Variants in GARNL3 observed in about 807,000 individuals in gnomAD.
GARNL3 encodes GTPase-activating Rap/Ran-GAP domain-like protein 3.
Under a neutral mutation model 125.0 loss-of-function variants are expected in GARNL3, and 63 were observed. The observed-to-expected ratio is 0.50, with a 90% CI of 0.41 to 0.62. GARNL3 has a LOEUF of 0.62. Ranked by LOEUF, GARNL3 falls within the 20% of genes least tolerant of loss-of-function variation. The pLI is 0.00. For synonymous variants in GARNL3, 439 were observed against 457.5 expected (o/e 0.96, Z 0.52); for missense variants, 994 against 1,244.0 (o/e 0.80, Z 3.02).
intron 6 of GARNL3, 86 bp from the exon 7 acceptor site, chr9:127,324,983 C>A: frequency 1.5e-6 from 2 of 1,348,524 alleles, no homozygotes; most frequent in Non-Finnish European, 2.1e-6. Flanking sequence ...TCAGTGTGAG[C>A]AAACCAAAGC....
chr9:127,237,220 G>A (rs911949439), intron 1 of GARNL3, among the ~76,000 whole-genome samples: 14 of 152,178 alleles, frequency 9.2e-5, no homozygotes, highest in African/African-American at 3.4e-4. Context: ...CTGGCACCTT[G>A]ACTAACTACA....
intron 1 of GARNL3, among the ~76,000 whole-genome samples, chr9:127,231,226 T>C (rs2063010004): frequency 1.4e-5 from 1 of 72,172 alleles, no homozygotes; most frequent in South Asian, 5.3e-4. Context: ...AGCTAATTTT[T>C]TGTTTTTTTT....
intron 17 of GARNL3, among the ~76,000 whole-genome samples, chr9:127,352,085 C>T (rs4837142): frequency 0.77 from 116,939 of 152,176 alleles, 45,175 homozygotes; most frequent in East Asian, 0.93. Flanking sequence ...TATTAATTCC[C>T]TGGAGTGCTG....
At chr9:127,251,325 T>C (rs770362025) in intron 2 of GARNL3, among the ~76,000 whole-genome samples, 2 of 150,904 alleles carry the variant, frequency 1.3e-5, no homozygotes, top group African/African-American at 2.5e-5. Context: ...GCTTATCTAT[T>C]ATTTTGCTTT....
chr9:127,376,616 G>A (rs540994421), intron 22 of GARNL3, among the ~76,000 whole-genome samples: 1 of 151,622 alleles, frequency 6.6e-6, no homozygotes, highest in Non-Finnish European at 1.5e-5. Context: ...TTTATGGGAC[G>A]TTTTAAAGGA....
intron 2 of GARNL3, chr9:127,300,472 CT>C: frequency 1.4e-4 from 58 of 408,234 alleles, no homozygotes; most frequent in Middle Eastern, 8.2e-4. Context: ...GGTGAATTTT[CT>C]TTTTTTTGTT....
intron 22 of GARNL3, among the ~76,000 whole-genome samples, chr9:127,373,257 G>A (rs934410372): frequency 2.6e-5 from 4 of 152,204 alleles, no homozygotes; most frequent in African/African-American, 9.7e-5. Flanking sequence ...CTCAAGTATT[G>A]CTATTGCTGT....
chr9:127,260,570 C>T (rs1235080230), upstream of GARNL3, among the ~76,000 whole-genome samples: 3 of 152,140 alleles, frequency 2.0e-5, no homozygotes, highest in South Asian at 4.1e-4. Context: ...TTTAAAGGGT[C>T]AGTTCGTAAA....
chr9:127,307,056 C>T (rs1588817942), intron 2 of GARNL3, among the ~76,000 whole-genome samples: 1 of 151,474 alleles, frequency 6.6e-6, no homozygotes, highest in African/African-American at 2.4e-5. Context: ...TTTTTGTCGG[C>T]ATGGTTACCA....
At chr9:127,270,149 C>T (rs956109954) in intron 1 of GARNL3, among the ~76,000 whole-genome samples, 5 of 152,052 alleles carry the variant, frequency 3.3e-5, no homozygotes, top group African/African-American at 1.2e-4. Flanking sequence ...TTGTGGACAT[C>T]CAGTTTTCCC....
At chr9:127,225,733 C>T (rs1484836715) in intron 1 of GARNL3, among the ~76,000 whole-genome samples, 1 of 151,616 alleles carries the variant, frequency 6.6e-6, no homozygotes, top group Non-Finnish European at 1.5e-5. Flanking sequence ...GAGCTCACCC[C>T]TCCGTCCACT....
intron 1 of GARNL3, among the ~76,000 whole-genome samples, chr9:127,227,547 G>A (rs974782008): frequency 2.6e-5 from 4 of 152,046 alleles, no homozygotes; most frequent in Non-Finnish European, 5.9e-5. Context: ...GTTGCAGTGA[G>A]CTGAGATTGT....
chr9:127,381,079 A>G (rs1269710962), intron 22 of GARNL3, among the ~76,000 whole-genome samples: 1 of 152,102 alleles, frequency 6.6e-6, no homozygotes, highest in East Asian at 1.9e-4. Context: ...GAGTTTCACC[A>G]TGTTGGCCAG....
intron 1 of GARNL3, among the ~76,000 whole-genome samples, chr9:127,289,784 A>G (rs1023505481): frequency 6.6e-6 from 1 of 152,220 alleles, no homozygotes; most frequent in Admixed American, 6.5e-5. Context: ...CTCTGTTTGG[A>G]CAAGTTGAAA....
chr9:127,264,939 A>G lies in GARNL3; in HGVS notation c.62A>G (p.His21Arg). Residue 21 changes from histidine (H) to arginine (R), a missense_variant, in exon 1 of 28, where the codon CAT (histidine) becomes CGT (arginine). Physicochemically the swap from His to Arg is conservative, Grantham distance 29. Coordinates refer to ENST00000373387, the MANE Select transcript of GARNL3 (RefSeq NM_032293.5). ...TCGCTATGTATAATACTGATGAAGC[A>G]TTTTTGTTCCAGCTCTGTCTCGGAA... Reference protein sequence around the residue: ...ARSLCIILMKHFCSSSVSEDL... With the variant: ...ARSLCIILMKRFCSSSVSEDL... The G allele has an allele frequency of 2.5e-6, 4 of 1,613,288 alleles. No homozygotes were observed. Among genetic ancestry groups the G allele is most frequent in the Non-Finnish European group, 3.4e-6 (4 of 1,179,604 alleles).
In GARNL3 at chr9:127,280,239, C is replaced by A. The variant is rs918841311; in HGVS notation, c.145-10929C>A. On this transcript the variant is annotated intron_variant, in intron 1 of 27. Coordinates refer to ENST00000373387, the MANE Select transcript of GARNL3 (RefSeq NM_032293.5). This position sits in a 1 kb window ranked among gnomAD's most constrained non-coding sequence, Gnocchi z 4.5. Reference sequence around the variant, plus strand: ...AAACTAAACTCCCTGGGATGCTCTGCCCTCAGGACTCTCCATGTCTCGCTC... The same window carrying A: ...AAACTAAACTCCCTGGGATGCTCTGACCTCAGGACTCTCCATGTCTCGCTC... 6.6e-6 allele frequency among the ~76,000 whole-genome samples: 1 copy of A among 152,228 alleles called. No individual in the cohort carries two copies.
chr9:127,310,773 C>CAAA (rs905120960), intron 2 of GARNL3, among the ~76,000 whole-genome samples: 25 of 74,770 alleles, frequency 3.3e-4, no homozygotes, highest in East Asian at 1.5e-3. Context: ...GACTCTGTCT[C>CAAA]AAAAAAAAAA....
intron 2 of GARNL3, among the ~76,000 whole-genome samples, chr9:127,293,502 G>T (rs1033178612): frequency 6.6e-6 from 1 of 151,860 alleles, no homozygotes; most frequent in Non-Finnish European, 1.5e-5. Flanking sequence ...TTCATTGCTG[G>T]CACGTCCGTT....
chr9:127,366,079 A>G (rs921848374), intron 22 of GARNL3, among the ~76,000 whole-genome samples: 1 of 152,162 alleles, frequency 6.6e-6, no homozygotes, highest in Admixed American at 6.5e-5. Flanking sequence ...GAAGTAAGCT[A>G]TTTTCCTAGA....
Sources: gnomAD v4.1 joint callset for allele counts (sites outside exome capture counted in the v4.1 genomes callset) on GRCh38, gnomAD v4.1.1 for gene constraint, Gnocchi (gnomAD v3.1) non-coding constraint, MANE v1.5 for transcripts, NCBI Gene and HGNC (gene_info 2026-07-23, HGNC 2026-07-21) for gene names.